The following HGD variants were observed in gnomAD, a reference collection of about 807,000 sequenced individuals.
HGD encodes homogentisate oxidase.
In HGD, 61 loss-of-function variants were observed where a neutral mutation model predicts 60.8. The observed-to-expected ratio is 1.00, with a 90% CI of 0.82 to 1.24. The LOEUF is 1.24. HGD is among the 50% of genes most tolerant of loss of function. The probability of loss-of-function intolerance (pLI) is 0.00; values close to 1 mark genes in which losing one functional copy is unlikely to be tolerated. For synonymous variants in HGD, 212 were observed against 187.7 expected (o/e 1.13, Z -1.06); for missense variants, 542 against 547.1 (o/e 0.99, Z 0.09).
intron 7 of HGD, 24 bp downstream of exon 7, chr3:120,647,853 G>T (rs756912701): frequency 3.4e-5 from 54 of 1,586,836 alleles, no homozygotes; most frequent in Non-Finnish European, 4.4e-5. Flanking sequence ...AACAGTGAGG[G>T]GGTCTGAAGT....
intron 13 of HGD, among the ~76,000 whole-genome samples, chr3:120,630,851 C>T (rs1415927929): frequency 1.8e-4 from 26 of 143,892 alleles, no homozygotes; most frequent in East Asian, 9.9e-4. Flanking sequence ...CATACACACA[C>T]ACACACACAC....
intron 11 of HGD, among the ~76,000 whole-genome samples, chr3:120,640,747 G>T (rs1413796399): frequency 6.6e-6 from 1 of 152,194 alleles, no homozygotes; most frequent in Non-Finnish European, 1.5e-5. Context: ...TTTGGGGTCT[G>T]ATGTCTCACT....
chr3:120,638,328 G>C, intron 12 of HGD, 127 bp downstream of exon 12: 1 of 1,150,568 alleles, frequency 8.7e-7, no homozygotes, highest in Non-Finnish European at 1.3e-6. Context: ...GCCTTGTGCA[G>C]CAGGATCCTG....
intron 4 of HGD, among the ~76,000 whole-genome samples, chr3:120,658,544 G>A (rs767082246): frequency 5.9e-5 from 9 of 152,186 alleles, no homozygotes; most frequent in Non-Finnish European, 1.2e-4. Context: ...AGTGCCTGTG[G>A]CTTTTTCAGG....
chr3:120,632,229 A>G (rs1405989854), intron 13 of HGD, among the ~76,000 whole-genome samples: 1 of 152,204 alleles, frequency 6.6e-6, no homozygotes, highest in Non-Finnish European at 1.5e-5. Flanking sequence ...CGGACAGATA[A>G]TGCTCACTGT....
At chr3:120,681,037 TA>T (rs533376982) in intron 1 of HGD, among the ~76,000 whole-genome samples, 1 of 152,234 alleles carries the variant, frequency 6.6e-6, no homozygotes, top group Admixed American at 6.5e-5. Flanking sequence ...GGCATAAAGA[TA>T]AAAAACCAAA....
intron 3 of HGD, among the ~76,000 whole-genome samples, chr3:120,673,941 GCC>G (rs1382171106): frequency 4.6e-5 from 7 of 152,144 alleles, no homozygotes; most frequent in Admixed American, 1.3e-4. Context: ...TTTACCCAAG[GCC>G]ACACAGCTGG....
Position 120,670,452 on chromosome 3 carries a change from TC to T in HGD, c.256del (p.Asp86MetfsTer25). On this transcript the variant is annotated frameshift_variant, in exon 4 of 14. Coordinates refer to ENST00000283871, the MANE Select transcript of HGD (RefSeq NM_000187.4). LOFTEE classifies it high-confidence loss of function. The part of the protein sequence containing the change: ...IDEGQVTHNW[D>X]EVDPDPNQLR... ...CTGGTTAGGATCAGGATCAACTTCA[TC>T]CCAGTTGTGAGTGACTTGGCCTTCG... 6.2e-7 allele frequency: 1 copy of T among 1,601,802 alleles called. No homozygotes were observed. Among genetic ancestry groups the T allele is most frequent in the Non-Finnish European group, 8.6e-7 (1 of 1,168,810 alleles).
In HGD at chr3:120,682,072, G is replaced by C. The variant is rs1167018412; in HGVS notation, c.15+25C>G. ...ATAAATTTTGGCTGAAGAAGCCATA[G>C]CAAACTTGTCAGATGGTTTCTTACC... On this transcript the variant is annotated intron_variant, in intron 1 of 13. Coordinates refer to ENST00000283871, the MANE Select transcript of HGD (RefSeq NM_000187.4). 4 of 1,612,756 alleles carry C rather than the reference G, an allele frequency of 2.5e-6. No homozygotes were observed. The African/African-American group carries it at 5.3e-5, about 22-fold the overall frequency.
chr3:120,667,326 CAAAAAAAAAAAA>C (rs71133514), intron 4 of HGD, among the ~76,000 whole-genome samples: 1 of 60,046 alleles, frequency 1.7e-5, no homozygotes, highest in African/African-American at 7.1e-5. Flanking sequence ...ACTCTTGTCT[CAAAAAAAAAAAA>C]AAAAAAAAAA....
rs1941083527 is a variant in HGD at position 120,644,185 on chromosome 3, C to G, written c.774+134G>C. 3 of 1,029,426 alleles carry G rather than the reference C, an allele frequency of 2.9e-6. No individual in the cohort carries two copies. In the South Asian group the frequency reaches 3.8e-5, roughly 13 times the overall value. The allele number at this position is 1,029,426 out of a possible 1,614,324, so 63.8% of individuals were successfully genotyped here. A position where few individuals can be genotyped will look rare whatever the true frequency, so the allele number is the denominator to read the frequency against. On this transcript the variant is annotated intron_variant, in intron 10 of 13. Transcript: ENST00000283871. ...TATAATTGACTACTAGAACTATTTG[C>G]TTTATTTGTAGTGCCGTAGTGGTAT...
At position 120,628,437 on chromosome 3, in the gene HGD, C is replaced by T; in HGVS notation, c.1281G>A (p.Trp427Ter). 1.2e-6 allele frequency: 2 copies of T among 1,614,024 alleles called. No individual in the cohort carries two copies. The highest frequency in any genetic ancestry group is 1.1e-5 in the South Asian group (1 of 91,074). Residue 427 changes from tryptophan to a stop codon, truncating the protein, a stop_gained, in exon 14 of 14, where the codon TGG (tryptophan) becomes TGA (stop). Coordinates refer to ENST00000283871, the MANE Select transcript of HGD (RefSeq NM_000187.4). LOFTEE classifies it high-confidence loss of function. ...RCLDENYHKC[W>*]EPLKSHFTPN... ...GAGTGAAGTGGCTCTTGAGTGGCTC[C>T]CAGCACTTGTGGTAGTTCTCATCCA...
chr3:120,628,779 A>C (rs1345827800), intron 13 of HGD, among the ~76,000 whole-genome samples: 1 of 152,204 alleles, frequency 6.6e-6, no homozygotes, highest in Non-Finnish European at 1.5e-5. Context: ...CTGTAAAATA[A>C]AATTCAGCCC....
At chr3:120,677,276 G>A (rs953352696) in intron 1 of HGD, among the ~76,000 whole-genome samples, 1 of 152,206 alleles carries the variant, frequency 6.6e-6, no homozygotes, top group Non-Finnish European at 1.5e-5. Context: ...CTGCTGGTGA[G>A]CCAGGCAGAA....
intron 6 of HGD, among the ~76,000 whole-genome samples, chr3:120,648,692 ACT>A (rs1349110394): frequency 6.6e-6 from 1 of 152,218 alleles, no homozygotes; most frequent in Non-Finnish European, 1.5e-5. Flanking sequence ...AAACTCACAC[ACT>A]GTGACCTGGG....
chr3:120,639,643 A>G (rs1429162954), intron 11 of HGD, among the ~76,000 whole-genome samples: 2 of 152,194 alleles, frequency 1.3e-5, no homozygotes, highest in Admixed American at 6.5e-5. Context: ...CTCAGAGCAA[A>G]GTAGAAATAG....
At chr3:120,668,298 G>A (rs527851735) in intron 4 of HGD, among the ~76,000 whole-genome samples, 2 of 152,076 alleles carry the variant, frequency 1.3e-5, no homozygotes, top group Non-Finnish European at 2.9e-5. Context: ...TGGTAGAGAG[G>A]GGTGGTAACA....
chr3:120,656,736 G>C (rs1245866588), intron 4 of HGD, among the ~76,000 whole-genome samples: 2 of 152,102 alleles, frequency 1.3e-5, no homozygotes, highest in African/African-American at 4.8e-5. Context: ...ATTTTTAGTA[G>C]AGATGAGGTT....
At chr3:120,649,385 C>T (rs903267319) in intron 6 of HGD, among the ~76,000 whole-genome samples, 13 of 151,918 alleles carry the variant, frequency 8.6e-5, no homozygotes, top group South Asian at 4.2e-4. Flanking sequence ...CCTCGTGATC[C>T]GCCCACCTCG....
Sources: gnomAD v4.1 joint callset for allele counts (sites outside exome capture counted in the v4.1 genomes callset) on GRCh38, gnomAD v4.1.1 for gene constraint, MANE v1.5 for transcripts, NCBI Gene and HGNC (gene_info 2026-07-23, HGNC 2026-07-21) for gene names.